CSMD1: variants seen among roughly 807,000 people sequenced by gnomAD.
CSMD1 encodes CUB and sushi domain-containing protein 1.
In CSMD1, 213 loss-of-function variants were observed where a neutral mutation model predicts 417.5. The ratio of observed to expected loss-of-function variants is 0.51; its 90% CI spans 0.46 to 0.57. The LOEUF is 0.57. Ranked by LOEUF, CSMD1 falls within the 20% of genes least tolerant of loss-of-function variation. The probability of loss-of-function intolerance (pLI) is 0.00; values close to 1 mark genes in which losing one functional copy is unlikely to be tolerated. For missense variants in CSMD1, 6,923 were observed against 4,529.7 expected, an observed-to-expected ratio of 1.53 and a Z score of -15.17; for synonymous variants, 2,862 against 1,736.8, an observed-to-expected ratio of 1.65 and a Z score of -16.11.
At chr8:3,517,747 T>G (rs1288986296) in intron 10 of CSMD1, among the ~76,000 whole-genome samples, 1 of 152,172 alleles carries the variant, frequency 6.6e-6, no homozygotes, top group East Asian at 1.9e-4. Flanking sequence ...AGAGATTAAT[T>G]AAAATGAAGA....
chr8:4,355,969 T>C (rs1801407305), intron 3 of CSMD1, among the ~76,000 whole-genome samples: 2 of 152,202 alleles, frequency 1.3e-5, no homozygotes, highest in African/African-American at 4.8e-5. Flanking sequence ...ATGGATGTTC[T>C]TTCTTATTTT....
intron 2 of CSMD1, among the ~76,000 whole-genome samples, chr8:4,577,581 C>G (rs1445333997): frequency 6.6e-6 from 1 of 152,156 alleles, no homozygotes; most frequent in Admixed American, 6.5e-5. Flanking sequence ...TTGCTTTTCC[C>G]TCAGGCAGGA....
chr8:2,955,652 C>A lies in CSMD1; in HGVS notation c.9931G>T (p.Gly3311Ter), dbSNP rs1361356112. The change falls in exon 64 of 70, where the codon GGA becomes TGA. Residue 3311 changes from glycine to a stop codon, truncating the protein, a stop_gained. Coordinates refer to ENST00000635120, the MANE Select transcript of CSMD1 (RefSeq NM_033225.6). LOFTEE classifies it high-confidence loss of function. ...GCTTTACATGTTCTGTGCTCAGATC[C>A]CCCTGCGAGGAAAAAGCCTGGATGG... ...TCHPGFFLAG[G>*]SEHRTCKADM... 1 of 1,613,888 alleles carries A rather than the reference C, an allele frequency of 6.2e-7. No individual in the cohort carries two copies. Among genetic ancestry groups the A allele is most frequent in the Non-Finnish European group, 8.5e-7 (1 of 1,179,828 alleles).
intron 23 of CSMD1, among the ~76,000 whole-genome samples, chr8:3,322,780 A>G (rs1361325785): frequency 1.3e-5 from 2 of 152,186 alleles, no homozygotes; most frequent in African/African-American, 2.4e-5. Context: ...AACCTCAAAC[A>G]TCACCAAGGA....
intron 18 of CSMD1, among the ~76,000 whole-genome samples, chr8:3,387,269 T>A (rs1428129661): frequency 6.6e-6 from 1 of 152,186 alleles, no homozygotes. Flanking sequence ...GTTTGTTCAT[T>A]CGGGGATAAA....
intron 8 of CSMD1, among the ~76,000 whole-genome samples, chr8:3,593,724 C>G (rs1800963429): frequency 6.6e-6 from 1 of 152,202 alleles, no homozygotes; most frequent in African/African-American, 2.4e-5. Flanking sequence ...AATTTATAGA[C>G]TTATTAATTC....
intron 3 of CSMD1, among the ~76,000 whole-genome samples, chr8:4,056,224 G>A (rs1798683148): frequency 6.6e-6 from 1 of 151,512 alleles, no homozygotes; most frequent in African/African-American, 2.4e-5. Context: ...TGGGATTACA[G>A]GTGTGTACTC....
intron 1 of CSMD1, among the ~76,000 whole-genome samples, chr8:4,789,317 T>G (rs540586325): frequency 6.6e-6 from 1 of 152,340 alleles, no homozygotes; most frequent in Non-Finnish European, 1.5e-5. Context: ...CATCTGTGGT[T>G]TAAAAGCAGT....
chr8:4,277,957 C>T (rs1048184245), intron 3 of CSMD1, among the ~76,000 whole-genome samples: 1 of 152,090 alleles, frequency 6.6e-6, no homozygotes, highest in African/African-American at 2.4e-5. Flanking sequence ...ACCATGCTGG[C>T]CAGGCTGGTC....
At chr8:3,848,156 A>G (rs1346317679) in intron 5 of CSMD1, among the ~76,000 whole-genome samples, 1 of 151,920 alleles carries the variant, frequency 6.6e-6, no homozygotes, top group Non-Finnish European at 1.5e-5. Flanking sequence ...TATGTGGTGG[A>G]TGAGAAGTTG....
At chr8:3,290,552 G>A (rs1203934501) in intron 25 of CSMD1, among the ~76,000 whole-genome samples, 3 of 146,036 alleles carry the variant, frequency 2.1e-5, no homozygotes, top group Non-Finnish European at 4.4e-5. Context: ...TCCCTTGTAA[G>A]TTGGATTGCT....
intron 1 of CSMD1, among the ~76,000 whole-genome samples, chr8:4,806,926 C>A (rs187288958): frequency 6.6e-6 from 1 of 152,284 alleles, no homozygotes; most frequent in South Asian, 2.1e-4. Context: ...TGCATGCCTG[C>A]GCTCTTAAGC....
chr8:4,016,230 C>T (rs1796516398), intron 4 of CSMD1, among the ~76,000 whole-genome samples: 1 of 152,138 alleles, frequency 6.6e-6, no homozygotes, highest in African/African-American at 2.4e-5. Context: ...CATGTGATCT[C>T]TCCATTCCCT....
At chr8:4,797,468 A>C (rs561729408) in intron 1 of CSMD1, among the ~76,000 whole-genome samples, 3 of 152,196 alleles carry the variant, frequency 2.0e-5, no homozygotes, top group Non-Finnish European at 4.4e-5. Flanking sequence ...TGTTTTTATT[A>C]TGTTGGCGCA....
chr8:4,516,736 T>C (rs1803148774), intron 2 of CSMD1, among the ~76,000 whole-genome samples: 2 of 152,162 alleles, frequency 1.3e-5, no homozygotes, highest in Non-Finnish European at 2.9e-5. Flanking sequence ...ATCAATGTCT[T>C]ACTAACAACA....
intron 3 of CSMD1, among the ~76,000 whole-genome samples, chr8:4,205,696 T>A (rs1799938773): frequency 2.0e-5 from 3 of 152,128 alleles, no homozygotes; most frequent in African/African-American, 7.2e-5. Flanking sequence ...CAAAGTTTCT[T>A]CCTACCAAAT....
At chr8:4,028,204 C>G (rs899638597) in intron 4 of CSMD1, among the ~76,000 whole-genome samples, 1 of 152,156 alleles carries the variant, frequency 6.6e-6, no homozygotes, top group Non-Finnish European at 1.5e-5. Flanking sequence ...ATGAATTTCT[C>G]TAGGACAGAG....
intron 10 of CSMD1, among the ~76,000 whole-genome samples, chr8:3,552,139 A>T (rs917554904): frequency 6.6e-6 from 1 of 152,240 alleles, no homozygotes; most frequent in Non-Finnish European, 1.5e-5. Context: ...CTTTGAATTC[A>T]TCCCATCTTC....
At chr8:3,238,773 C>T (rs575159691) in intron 26 of CSMD1, among the ~76,000 whole-genome samples, 1 of 152,160 alleles carries the variant, frequency 6.6e-6, no homozygotes, top group Non-Finnish European at 1.5e-5. Context: ...TGACGAGGTT[C>T]AGCATAGCCT....
Sources: allele counts gnomAD v4.1 joint callset (sites outside exome capture counted in the v4.1 genomes callset), GRCh38; gene constraint gnomAD v4.1.1; transcripts MANE v1.5; gene names NCBI Gene and HGNC (gene_info 2026-07-23, HGNC 2026-07-21).